SNAP47: variants seen among roughly 807,000 people sequenced by gnomAD.
SNAP47 encodes synaptosomal-associated protein 47.
SNAP47 carries 20 observed loss-of-function variants against 31.4 expected under a neutral mutation model. The ratio of observed to expected loss-of-function variants is 0.64; its 90% CI spans 0.45 to 0.93. The LOEUF (loss-of-function observed/expected upper bound fraction) is 0.93, where lower values mean the gene tolerates loss of function less well. Ranked by LOEUF, SNAP47 falls within the 40% of genes least tolerant of loss-of-function variation. The pLI, the probability that SNAP47 is intolerant of heterozygous loss-of-function variation, is 0.00. For missense variants in SNAP47, 492 were observed against 528.5 expected, an observed-to-expected ratio of 0.93 and a Z score of 0.68; for synonymous variants, 194 against 213.4, an observed-to-expected ratio of 0.91 and a Z score of 0.79.
intron 4 of SNAP47, among the ~76,000 whole-genome samples, chr1:227,778,641 G>A (rs1458187622): frequency 2.0e-5 from 3 of 152,220 alleles, no homozygotes; most frequent in Non-Finnish European, 2.9e-5. Context: ...AGGGGCAGGT[G>A]AGAAGGGAGC....
At chr1:227,734,239 G>A, upstream of SNAP47, 1 of 587,400 alleles carries the variant, frequency 1.7e-6, no homozygotes, top group Non-Finnish European at 3.0e-6. Context: ...CTGCTTATTA[G>A]AAAGTACTGA....
intron 4 of SNAP47, among the ~76,000 whole-genome samples, chr1:227,771,313 G>T (rs1663788674): frequency 1.3e-5 from 2 of 152,182 alleles, no homozygotes; most frequent in Admixed American, 1.3e-4. Flanking sequence ...CGCCATGTTT[G>T]GGGATCTGTG....
chr1:227,766,105 G>A, intron 3 of SNAP47, among the ~76,000 whole-genome samples: 1 of 152,174 alleles, frequency 6.6e-6, no homozygotes, highest in East Asian at 1.9e-4. Flanking sequence ...TCAGGATTGA[G>A]GAGGGTACGG....
At chr1:227,774,917 A>G (rs372171084) in intron 4 of SNAP47, among the ~76,000 whole-genome samples, 16 of 152,300 alleles carry the variant, frequency 1.1e-4, no homozygotes, top group African/African-American at 2.9e-4. Context: ...GGGCAGGACA[A>G]TCCAGTCCAG....
chr1:227,767,125 A>C, intron 4 of SNAP47, 42 bp downstream of exon 4: 2 of 1,610,240 alleles, frequency 1.2e-6, no homozygotes, highest in Non-Finnish European at 1.7e-6. Context: ...GCTGTGTCCC[A>C]GTCTTCCCGC....
intron 1 of SNAP47, among the ~76,000 whole-genome samples, chr1:227,729,758 C>A (rs995092735): frequency 6.6e-6 from 1 of 152,204 alleles, no homozygotes; most frequent in African/African-American, 2.4e-5. Flanking sequence ...GGGCTCCTGT[C>A]TCCACCTCCA....
At chr1:227,735,078 C>G (rs1285163694), upstream of SNAP47, 9 of 1,570,648 alleles carry the variant, frequency 5.7e-6, no homozygotes, top group Middle Eastern at 4.0e-4. Context: ...CGCCGGCTGC[C>G]CCAGCCCTGC....
intron 4 of SNAP47, chr1:227,777,127 T>C: frequency 1.2e-6 from 1 of 868,384 alleles, no homozygotes. Flanking sequence ...AAAGTTATTT[T>C]ATTTTCTTCT....
At chr1:227,773,872 A>G (rs1379051691) in intron 4 of SNAP47, among the ~76,000 whole-genome samples, 1 of 152,244 alleles carries the variant, frequency 6.6e-6, no homozygotes, top group Non-Finnish European at 1.5e-5. Flanking sequence ...ATGGTTCCTC[A>G]GGATGCATCC....
chr1:227,769,649 G>A (rs1196637536), intron 4 of SNAP47, among the ~76,000 whole-genome samples: 1 of 152,160 alleles, frequency 6.6e-6, no homozygotes, highest in Non-Finnish European at 1.5e-5. Context: ...GGACAGGCAG[G>A]GGTGACACGG....
At chr1:227,775,699 C>A in intron 4 of SNAP47, 1 of 1,251,662 alleles carries the variant, frequency 8.0e-7, no homozygotes, top group Non-Finnish European at 1.0e-6. Context: ...CACCCTACTT[C>A]ATTAGGCTAT....
upstream of SNAP47, chr1:227,734,725 G>A (rs764611235): frequency 1.2e-6 from 2 of 1,614,100 alleles, no homozygotes; most frequent in African/African-American, 1.3e-5. Context: ...ACTCTTTCCA[G>A]TAGGTGATGT....
chr1:227,739,077 G>C (rs150702686), intron 1 of SNAP47, among the ~76,000 whole-genome samples: 155 of 152,266 alleles, frequency 1.0e-3, no homozygotes, highest in African/African-American at 3.7e-3. Flanking sequence ...GTGTCACCCA[G>C]AGCCCGCTAG....
chr1:227,775,840 T>C (rs1395002998), intron 4 of SNAP47: 1 of 1,304,162 alleles, frequency 7.7e-7, no homozygotes, highest in Admixed American at 2.3e-5. Flanking sequence ...GATGCTTTGC[T>C]CCGAGTCTGC....
chr1:227,779,133 G>T (rs1383762344), intron 4 of SNAP47, among the ~76,000 whole-genome samples: 1 of 152,192 alleles, frequency 6.6e-6, no homozygotes, highest in Non-Finnish European at 1.5e-5. Flanking sequence ...TTCACAGCTT[G>T]TTCGCATTTG....
chr1:227,732,548 T>C, upstream of SNAP47: 1 of 1,613,364 alleles, frequency 6.2e-7, no homozygotes, highest in East Asian at 2.2e-5. Flanking sequence ...AGGCTGCCTG[T>C]TCGAAACCCA....
chr1:227,777,719 C>T (rs1201666550), intron 4 of SNAP47, among the ~76,000 whole-genome samples: 1 of 152,162 alleles, frequency 6.6e-6, no homozygotes, highest in Non-Finnish European at 1.5e-5. Flanking sequence ...TTTAATACAG[C>T]TTATTCAGCT....
At chr1:227,761,907 G>A (rs1663087933) in intron 3 of SNAP47, among the ~76,000 whole-genome samples, 1 of 152,184 alleles carries the variant, frequency 6.6e-6, no homozygotes, top group East Asian at 1.9e-4. Context: ...CCTGCAATCT[G>A]TGCCGTTTGA....
At chr1:227,734,919 C>T (rs530350578), upstream of SNAP47, 20 of 1,539,662 alleles carry the variant, frequency 1.3e-5, 1 homozygote, top group East Asian at 4.1e-4. Flanking sequence ...GCCTCCCTCA[C>T]CCTCCCTGGT....
Sources: allele counts gnomAD v4.1 joint callset (sites outside exome capture counted in the v4.1 genomes callset), GRCh38; gene constraint gnomAD v4.1.1; transcripts MANE v1.5; gene names NCBI Gene and HGNC (gene_info 2026-07-23, HGNC 2026-07-21).